The following VTI1B variants were observed in gnomAD, a reference collection of about 807,000 sequenced individuals.
VTI1B encodes vesicle transport through interaction with t-SNAREs 1B, also known as vesicle transport through interaction with t-SNAREs homolog 1B.
VTI1B carries 18 observed loss-of-function variants against 28.6 expected under a neutral mutation model. That is an observed-to-expected ratio of 0.63 (90% CI 0.43 to 0.93). The LOEUF (loss-of-function observed/expected upper bound fraction) is 0.93, where lower values mean the gene tolerates loss of function less well. VTI1B is among the 40% of genes least tolerant of loss of function. The probability of loss-of-function intolerance (pLI) is 0.00; values close to 1 mark genes in which losing one functional copy is unlikely to be tolerated. For missense variants in VTI1B, 283 were observed against 297.0 expected, an observed-to-expected ratio of 0.95 and a Z score of 0.35; for synonymous variants, 100 against 107.9, an observed-to-expected ratio of 0.93 and a Z score of 0.46.
intron 1 of VTI1B, among the ~76,000 whole-genome samples, chr14:67,671,872 C>T (rs1196616152): frequency 6.6e-6 from 1 of 152,206 alleles, no homozygotes; most frequent in Admixed American, 6.5e-5. Flanking sequence ...AACCAAGCCA[C>T]TCTCAGGATA....
intron 1 of VTI1B, among the ~76,000 whole-genome samples, chr14:67,673,252 G>T (rs1346185246): frequency 1.3e-5 from 2 of 152,268 alleles, no homozygotes; most frequent in African/African-American, 4.8e-5. Flanking sequence ...GCTGAGGCAG[G>T]AGAATTGCTT....
rs752876291 is a variant in VTI1B at position 67,659,697 on chromosome 14, G to GA, written c.366+33dup. 7,336 of 1,387,044 alleles carry GA rather than the reference G, an allele frequency of 5.3e-3. 2 individuals carry two copies. Among genetic ancestry groups the GA allele is most frequent in the East Asian group, 0.01 (390 of 38,928 alleles). 85.9% of individuals were successfully genotyped at this position (1,387,044 alleles called of 1,614,324 possible). The stretch of plus-strand genomic sequence containing the variant: ...ATTTTTGTACCACAGGCCCTTAAAG[G>GA]AAAAAAAAAACAAACAAAACAGCTA... On this transcript the variant is annotated intron_variant, in intron 3 of 5. Coordinates refer to ENST00000554659, the MANE Select transcript of VTI1B (RefSeq NM_006370.3).
chr14:67,657,399 G>A (rs1228923809), intron 3 of VTI1B, among the ~76,000 whole-genome samples: 5 of 152,126 alleles, frequency 3.3e-5, no homozygotes, highest in Non-Finnish European at 7.3e-5. Flanking sequence ...AGTATCTGGG[G>A]CTTGAGCAAG....
At chr14:67,657,607 C>CACACAT (rs1233758597) in intron 3 of VTI1B, among the ~76,000 whole-genome samples, 2 of 150,694 alleles carry the variant, frequency 1.3e-5, no homozygotes, top group African/African-American at 2.5e-5. Flanking sequence ...TGCACACACA[C>CACACAT]ACACACACAC....
Position 67,662,364 on chromosome 14 carries a change from G to C in VTI1B, c.174+113C>G, listed in dbSNP as rs955186586. On this transcript the variant is annotated intron_variant, in intron 2 of 5. Coordinates refer to ENST00000554659, the MANE Select transcript of VTI1B (RefSeq NM_006370.3). Reference sequence around the variant, plus strand: ...AACTGGCTTCATTTAGTAAGAAATAGTCAAAATCAAGATCAATGGACAGGA... The same window carrying C: ...AACTGGCTTCATTTAGTAAGAAATACTCAAAATCAAGATCAATGGACAGGA... The C allele has an allele frequency of 1.2e-4, 118 of 1,004,228 alleles. 2 individuals are homozygous for C. In the South Asian group the frequency reaches 1.3e-3, roughly 11 times the overall value. 62.2% of individuals were successfully genotyped at this position (1,004,228 alleles called of 1,614,324 possible). A position where few individuals can be genotyped will look rare whatever the true frequency, so the allele number is the denominator to read the frequency against.
At chr14:67,667,900 C>T (rs1256640417) in intron 1 of VTI1B, among the ~76,000 whole-genome samples, 3 of 151,944 alleles carry the variant, frequency 2.0e-5, no homozygotes, top group East Asian at 3.9e-4. Flanking sequence ...GCCGAGATCG[C>T]GCCACTGCAC....
rs145440973 is a variant in VTI1B, at chr14:67,668,100, T to C, written c.116-5565A>G. Among the ~76,000 whole-genome samples the C allele has an allele frequency of 4.5e-3, 684 of 152,300 alleles. 7 individuals are homozygous for C. Among genetic ancestry groups the C allele is most frequent in the African/African-American group, 0.015 (642 of 41,580 alleles). Reference sequence around the variant, plus strand: ...AAATAATAGGGTCTTGTGTTATACATACTGATCTAAATGATTTAAAATGGA... The same window carrying C: ...AAATAATAGGGTCTTGTGTTATACACACTGATCTAAATGATTTAAAATGGA... On this transcript the variant is annotated intron_variant, in intron 1 of 5. Transcript: ENST00000554659.
intron 3 of VTI1B, among the ~76,000 whole-genome samples, chr14:67,659,036 A>G (rs1383165478): frequency 6.6e-6 from 1 of 152,258 alleles, no homozygotes; most frequent in Non-Finnish European, 1.5e-5. Flanking sequence ...GACCAAATGC[A>G]GCACATTTAA....
Position 67,650,941 on chromosome 14 carries a change from G to A in VTI1B, c.*444C>T, listed in dbSNP as rs114217628. 3,433 of 1,608,654 alleles carry A rather than the reference G, an allele frequency of 2.1e-3. 56 individuals carry two copies. In the African/African-American group the frequency reaches 0.04, roughly 19 times the overall value. ...TTTAGGAGACACTGTGCACTGACAT[G>A]TTTCACAACAGGCATTCCAGAATTA... is the stretch of plus-strand genomic sequence containing the variant. On this transcript the variant is annotated 3_prime_UTR_variant, in exon 6 of 6. Coordinates refer to ENST00000554659, the MANE Select transcript of VTI1B (RefSeq NM_006370.3).
rs200167674 is a variant in VTI1B at position 67,657,620 on chromosome 14, ACACC to A, written c.367-1035_367-1032del. Among the ~76,000 whole-genome samples the A allele has an allele frequency of 6.7e-3, 938 of 140,134 alleles. 22 individuals carry two copies. Among genetic ancestry groups the A allele is most frequent in the Admixed American group, 0.044 (645 of 14,538 alleles). The allele number at this position is 140,134 out of a possible 152,430, so 91.9% of individuals were successfully genotyped here. On this transcript the variant is annotated intron_variant, in intron 3 of 5. Coordinates refer to ENST00000554659, the MANE Select transcript of VTI1B (RefSeq NM_006370.3). ...CGTGCACACACACACACACACACAC[ACACC>A]CAAAATCAAAAGGGACCCAGCTCAC...
At position 67,651,343 on chromosome 14, in the gene VTI1B, C is replaced by T. The variant is rs774272882; in HGVS notation, c.*42G>A. 6.2e-7 allele frequency: 1 copy of T among 1,612,332 alleles called. No individual in the cohort carries two copies. Among genetic ancestry groups the T allele is most frequent in the Non-Finnish European group, 8.5e-7 (1 of 1,178,882 alleles). On this transcript the variant is annotated 3_prime_UTR_variant, in exon 6 of 6. Coordinates refer to ENST00000554659, the MANE Select transcript of VTI1B (RefSeq NM_006370.3). Reference sequence around the variant, plus strand: ...CCACATCCCTAACATCATGCATTCACAAGGTCAAAGTTCTGGTCCACAAAC... The same window carrying T: ...CCACATCCCTAACATCATGCATTCATAAGGTCAAAGTTCTGGTCCACAAAC...
intron 4 of VTI1B, among the ~76,000 whole-genome samples, chr14:67,656,043 C>T (rs1338222207): frequency 1.3e-5 from 2 of 152,028 alleles, no homozygotes; most frequent in Non-Finnish European, 1.5e-5. Context: ...GTTAGGAGTT[C>T]GAGACCAGCC....
intron 1 of VTI1B, among the ~76,000 whole-genome samples, chr14:67,667,278 T>C (rs140944809): frequency 1.4e-4 from 21 of 152,326 alleles, no homozygotes; most frequent in African/African-American, 4.8e-4. Flanking sequence ...CCCTTTAAAG[T>C]TGTGGAAACA....
rs888436207 is a variant in VTI1B, at chr14:67,648,264, G to C, written c.*3121C>G. On this transcript the variant is annotated 3_prime_UTR_variant, in exon 6 of 6. Coordinates refer to ENST00000554659, the MANE Select transcript of VTI1B (RefSeq NM_006370.3). ...CTCTTGCCTGCAAAGGATCTTTTCTGCTATTCCACATCATTGCAGAGTTTG... is the reference window on the plus strand; with the variant it reads ...CTCTTGCCTGCAAAGGATCTTTTCTCCTATTCCACATCATTGCAGAGTTTG... 4 of 1,472,338 alleles carry C rather than the reference G, an allele frequency of 2.7e-6. No homozygotes were observed. In the African/African-American group the frequency reaches 5.7e-5, roughly 21 times the overall value. The allele number at this position is 1,472,338 out of a possible 1,614,324, so 91.2% of individuals were successfully genotyped here. A position where few individuals can be genotyped will look rare whatever the true frequency, so the allele number is the denominator to read the frequency against.
chr14:67,654,606 TAAG>T (rs1365042823), intron 4 of VTI1B, among the ~76,000 whole-genome samples: 3 of 152,178 alleles, frequency 2.0e-5, no homozygotes, highest in African/African-American at 7.2e-5. Context: ...CTGAAGCTAT[TAAG>T]AAAATCTACT....
intron 1 of VTI1B, among the ~76,000 whole-genome samples, chr14:67,669,052 A>T (rs537668064): frequency 2.2e-4 from 34 of 152,274 alleles, no homozygotes; most frequent in African/African-American, 7.7e-4. Context: ...TATTCTAAGG[A>T]CTTTACATAT....
intron 5 of VTI1B, 165 bp from the exon 6 acceptor site, chr14:67,651,646 G>GT: frequency 3.2e-6 from 2 of 623,416 alleles, no homozygotes; most frequent in Non-Finnish European, 5.3e-6. Context: ...CTGTCACTTA[G>GT]GGATAACACT....
At chr14:67,674,267 A>T in intron 1 of VTI1B, 108 bp downstream of exon 1, 1 of 1,042,708 alleles carries the variant, frequency 9.6e-7, no homozygotes, top group Non-Finnish European at 1.3e-6. Context: ...GTGTCTGAGG[A>T]CGCGGAGGGA....
chr14:67,671,341 C>T (rs1449209781), intron 1 of VTI1B, among the ~76,000 whole-genome samples: 3 of 152,044 alleles, frequency 2.0e-5, no homozygotes, highest in African/African-American at 7.2e-5. Context: ...GCCTGGCCAA[C>T]ATGGTGAAAC....
Sources: allele counts gnomAD v4.1 joint callset (sites outside exome capture counted in the v4.1 genomes callset), GRCh38; gene constraint gnomAD v4.1.1; transcripts MANE v1.5; gene names NCBI Gene and HGNC (gene_info 2026-07-23, HGNC 2026-07-21).